NFATC1: variants seen among roughly 807,000 people sequenced by gnomAD.
The protein encoded by NFATC1 is nuclear factor of activated T cells 1.
A neutral mutation model predicts 76.0 loss-of-function variants in NFATC1; 22 were observed. That is an observed-to-expected ratio of 0.29 (90% CI 0.21 to 0.41). The LOEUF (loss-of-function observed/expected upper bound fraction) is 0.41, where lower values mean the gene tolerates loss of function less well. Among genes scored for constraint, NFATC1 ranks in the 10% least tolerant of loss-of-function variants. The pLI, the probability that NFATC1 is intolerant of heterozygous loss-of-function variation, is 1.00. For synonymous variants in NFATC1, 704 were observed against 613.1 expected (o/e 1.15, Z -2.19); for missense variants, 1,357 against 1,337.7 (o/e 1.01, Z -0.23).
In NFATC1 at chr18:79,486,532, C is replaced by A. The variant is rs1342846781; in HGVS notation, c.2377C>A (p.Pro793Thr). ...CCACTGTCACCTCGGACTCCCGCAG[C>A]CGGCCGGAGAGGCCCCCGCCGTCCA... ...PGHCHLGLPQ[P>T]AGEAPAVQDV... The change falls in exon 9 of 10, where the codon CCG becomes ACG. Residue 793 changes from proline (P) to threonine (T), a missense_variant. Around this residue, in one of 3 missense-constraint regions of NFATC1, gnomAD observed 424 missense variants for 395.4 expected, o/e 1.07. Coordinates refer to ENST00000427363, the MANE Select transcript of NFATC1 (RefSeq NM_001278669.2). 1 of 1,598,722 alleles carries A rather than the reference C, an allele frequency of 6.3e-7. No individual in the cohort carries two copies. The highest frequency in any genetic ancestry group is 1.7e-5 in the Admixed American group (1 of 59,400).
chr18:79,397,837 GT>G (rs2085058681), intron 1 of NFATC1, among the ~76,000 whole-genome samples: 1 of 152,188 alleles, frequency 6.6e-6, no homozygotes, highest in African/African-American at 2.4e-5. Context: ...TAGTTTTCGT[GT>G]TTCCTACTGA....
chr18:79,440,783 T>C (rs2086943377), intron 3 of NFATC1, among the ~76,000 whole-genome samples: 1 of 152,242 alleles, frequency 6.6e-6, no homozygotes, highest in South Asian at 2.1e-4. Flanking sequence ...CAGTGCCGGT[T>C]CTAAGAGGAA....
intron 9 of NFATC1, among the ~76,000 whole-genome samples, chr18:79,487,174 GTCCTGGGCT>G (rs2089531205): frequency 6.6e-6 from 1 of 152,226 alleles, no homozygotes; most frequent in African/African-American, 2.4e-5. Flanking sequence ...CCCTTGGCGG[GTCCTGGGCT>G]GCAGATCCTC....
In NFATC1 at chr18:79,425,287, T is replaced by TCTGTCTG. The variant is rs2086286769; in HGVS notation, c.1227-8292_1227-8291insCTGTCTG. Among the ~76,000 whole-genome samples the TCTGTCTG allele has an allele frequency of 2.2e-4, 25 of 115,714 alleles. No homozygotes were observed. The East Asian group carries it at 5.6e-3, about 26-fold the overall frequency. The allele number at this position is 115,714 out of a possible 152,430, so 75.9% of individuals were successfully genotyped here. ...TCTCTGTCTCTCTCTCTGTCTGTCTTTCTTTCTTACTCTCTTTCTCTTTTA... is the reference window on the plus strand; with the variant it reads ...TCTCTGTCTCTCTCTCTGTCTGTCTTCTGTCTGTCTTTCTTACTCTCTTTCTCTTTTA... On this transcript the variant is annotated intron_variant, in intron 2 of 9. Transcript: ENST00000427363.
At chr18:79,504,731 A>C (rs181981070) in intron 9 of NFATC1, among the ~76,000 whole-genome samples, 31 of 152,372 alleles carry the variant, frequency 2.0e-4, no homozygotes, top group Middle Eastern at 6.8e-3. Context: ...TGCCTGCAAG[A>C]CATCCACAAA....
intron 2 of NFATC1, among the ~76,000 whole-genome samples, chr18:79,413,395 C>T (rs2085765725): frequency 6.6e-6 from 1 of 152,212 alleles, no homozygotes; most frequent in Non-Finnish European, 1.5e-5. Flanking sequence ...CTTTTGGAGG[C>T]TGTGAGGGAG....
intron 6 of NFATC1, among the ~76,000 whole-genome samples, chr18:79,459,494 G>A (rs1053410001): frequency 3.9e-5 from 6 of 152,166 alleles, no homozygotes; most frequent in South Asian, 2.1e-4. Context: ...GTCATTAAAC[G>A]CGACATCCTG....
At chr18:79,467,846 G>A (rs544059413) in intron 8 of NFATC1, 1 of 1,182,202 alleles carries the variant, frequency 8.5e-7, no homozygotes, top group Non-Finnish European at 1.1e-6. Context: ...TCTTGCGAAT[G>A]TATAACAGCC....
chr18:79,416,714 T>A (rs984235001), intron 2 of NFATC1, among the ~76,000 whole-genome samples: 1 of 152,212 alleles, frequency 6.6e-6, no homozygotes, highest in Non-Finnish European at 1.5e-5. Flanking sequence ...CCACTGCGTC[T>A]CCCTGTAAGC....
rs1053357560 is a variant in NFATC1 at position 79,425,255 on chromosome 18, C to G, written c.1227-8324C>G. ...TCCCTGTCTCTGTCTCTCTGTTTCT[C>G]TCCCTGTCTCTGTCTCTCTCTCTGT... On this transcript the variant is annotated intron_variant, in intron 2 of 9. Transcript: ENST00000427363. Among the ~76,000 whole-genome samples the G allele has an allele frequency of 9.3e-5, 5 of 53,856 alleles. 1 individual carries two copies. The South Asian group carries it at 1.4e-3, about 15-fold the overall frequency. The allele number at this position is 53,856 out of a possible 152,430, so 35.3% of individuals were successfully genotyped here.
intron 2 of NFATC1, among the ~76,000 whole-genome samples, chr18:79,431,981 G>A (rs1278648525): frequency 6.6e-6 from 1 of 152,202 alleles, no homozygotes; most frequent in Non-Finnish European, 1.5e-5. Flanking sequence ...GGTTACAGGC[G>A]TGAGCCACCA....
chr18:79,405,524 T>G (rs537586072), intron 1 of NFATC1, among the ~76,000 whole-genome samples: 7 of 152,346 alleles, frequency 4.6e-5, no homozygotes, highest in African/African-American at 1.7e-4. Flanking sequence ...CCAAATTCAT[T>G]GGGAGCTGGG....
At chr18:79,482,651 G>T (rs1366065123) in intron 8 of NFATC1, among the ~76,000 whole-genome samples, 1 of 130,312 alleles carries the variant, frequency 7.7e-6, no homozygotes, top group East Asian at 2.3e-4. Flanking sequence ...CGTTCCTGGG[G>T]TGTAATTCCA....
intron 2 of NFATC1, among the ~76,000 whole-genome samples, chr18:79,414,341 A>G (rs898697994): frequency 3.9e-5 from 6 of 152,218 alleles, no homozygotes; most frequent in Non-Finnish European, 8.8e-5. Flanking sequence ...CCACCGTGGT[A>G]CAGAACTGCT....
chr18:79,495,747 C>G (rs557656812), intron 9 of NFATC1, among the ~76,000 whole-genome samples: 4 of 152,370 alleles, frequency 2.6e-5, no homozygotes, highest in Admixed American at 2.0e-4. Flanking sequence ...GTAGGCAAGC[C>G]GTGAACAGTG....
intron 2 of NFATC1, among the ~76,000 whole-genome samples, chr18:79,424,553 CTG>C (rs2086216393): frequency 6.6e-6 from 1 of 151,938 alleles, no homozygotes; most frequent in Admixed American, 6.6e-5. Flanking sequence ...CTCTCTGTCT[CTG>C]TCTCTCTCTG....
rs2084991585 is a variant in NFATC1 at position 79,396,006 on chromosome 18, ACCGGGGCGCGGGCAGGGC to A, written c.-218_-201del. ...CAGATCCCAGCAGCAGGGCGCGGGC[ACCGGGGCGCGGGCAGGGC>A]TCGGAGCCACCGCGCAGGTCCTAGG... On this transcript the variant is annotated 5_prime_UTR_variant, in exon 1 of 10. Coordinates refer to ENST00000427363, the MANE Select transcript of NFATC1 (RefSeq NM_001278669.2). The A allele has an allele frequency of 6.6e-6, 2 of 302,472 alleles. No individual in the cohort carries two copies. Among genetic ancestry groups the A allele is most frequent in the African/African-American group, 2.2e-5 (1 of 44,566 alleles). 18.7% of individuals were successfully genotyped at this position (302,472 alleles called of 1,614,324 possible).
chr18:79,527,408 T>G, intron 9 of NFATC1, 120 bp from the exon 10 acceptor site: 1 of 784,986 alleles, frequency 1.3e-6, no homozygotes, highest in Non-Finnish European at 2.1e-6. Context: ...GAAATGTGGG[T>G]TCCTGGGGAG....
intron 8 of NFATC1, chr18:79,470,010 C>CCA: frequency 5.1e-6 from 5 of 985,486 alleles, no homozygotes; most frequent in Non-Finnish European, 6.0e-6. Flanking sequence ...TGAATAGAAA[C>CCA]CAGCACCCAG....
Sources: allele counts gnomAD v4.1 joint callset (sites outside exome capture counted in the v4.1 genomes callset), GRCh38; gene constraint gnomAD v4.1.1; regional missense constraint gnomAD v4.1.1; transcripts MANE v1.5; gene names NCBI Gene and HGNC (gene_info 2026-07-23, HGNC 2026-07-21).